Variants in RAB2A observed in about 807,000 individuals in gnomAD.
RAB2A encodes the protein ras-related protein Rab-2A.
RAB2A carries 7 observed loss-of-function variants against 32.5 expected under a neutral mutation model. The ratio of observed to expected loss-of-function variants is 0.22; its 90% confidence interval spans 0.12 to 0.40. RAB2A has a LOEUF of 0.40. Among genes scored for constraint, RAB2A ranks in the 10% least tolerant of loss-of-function variants. The pLI, the probability that RAB2A is intolerant of heterozygous loss-of-function variation, is 1.00. For synonymous variants in RAB2A, 79 were observed against 85.2 expected (o/e 0.93, Z 0.40); for missense variants, 108 against 260.7 (o/e 0.41, Z 4.03).
Position 60,623,293 on chromosome 8 carries a change from C to G in RAB2A, c.*2524C>G, listed in dbSNP as rs1474030611. 1 of 152,126 alleles carries G rather than the reference C, an allele frequency of 6.6e-6. No individual in the cohort carries two copies. Among genetic ancestry groups the G allele is most frequent in the Non-Finnish European group, 1.5e-5 (1 of 68,026 alleles). The allele number at this position is 152,126 out of a possible 1,614,324, so 9.4% of individuals were successfully genotyped here. On this transcript the variant is annotated 3_prime_UTR_variant, in exon 8 of 8. Coordinates refer to ENST00000262646, the MANE Select transcript of RAB2A (RefSeq NM_002865.3). ...AATAGCCTGTTAGCAGGAAAATAGT[C>G]CCTATTTATCTGCTAATGGTCAAAA... is the stretch of plus-strand genomic sequence containing the variant.
At chr8:60,544,592 A>G (rs1244048969) in intron 1 of RAB2A, among the ~76,000 whole-genome samples, 1 of 125,514 alleles carries the variant, frequency 8.0e-6, no homozygotes, top group African/African-American at 3.2e-5. Context: ...ATGGGGTCTC[A>G]GTATGTTGCC....
chr8:60,524,717 C>T (rs527466859), intron 1 of RAB2A, among the ~76,000 whole-genome samples: 1 of 152,158 alleles, frequency 6.6e-6, no homozygotes, highest in Non-Finnish European at 1.5e-5. Context: ...AGTCACTCTC[C>T]GGGGAGTCCC....
intron 1 of RAB2A, among the ~76,000 whole-genome samples, chr8:60,518,537 T>C (rs1586055932): frequency 8.2e-6 from 1 of 122,152 alleles, no homozygotes; most frequent in Non-Finnish European, 1.6e-5. Context: ...GCGCCTGTAA[T>C]CCCAGCCACT....
rs542473704 is a variant in RAB2A, at chr8:60,574,216, C to T, written c.186+2103C>T. On this transcript the variant is annotated intron_variant, in intron 3 of 7. Coordinates refer to ENST00000262646, the MANE Select transcript of RAB2A (RefSeq NM_002865.3). ...ACCCCCATCGGAATAACTTATTCTT[C>T]CTGTAATATTTTGTGCATATGTCTC... 7.9e-5 allele frequency among the ~76,000 whole-genome samples: 12 copies of T among 152,072 alleles called. No individual in the cohort carries two copies. In the South Asian group the frequency reaches 2.1e-3, roughly 26 times the overall value.
chr8:60,549,127 C>T (rs1489169928), intron 1 of RAB2A, among the ~76,000 whole-genome samples: 1 of 150,454 alleles, frequency 6.6e-6, no homozygotes, highest in Non-Finnish European at 1.5e-5. Context: ...GGGATGGCGG[C>T]CGGGCAGAGA....
chr8:60,596,056 A>T (rs1294339852), intron 6 of RAB2A, among the ~76,000 whole-genome samples: 1 of 152,212 alleles, frequency 6.6e-6, no homozygotes, highest in Non-Finnish European at 1.5e-5. Flanking sequence ...GAAAATAGCT[A>T]AAACAGTGTT....
intron 1 of RAB2A, among the ~76,000 whole-genome samples, chr8:60,536,459 A>C (rs1485600476): frequency 6.6e-6 from 1 of 152,230 alleles, no homozygotes; most frequent in Non-Finnish European, 1.5e-5. Context: ...TACTATCATG[A>C]AAAAGTTTTC....
chr8:60,558,054 G>A (rs746252793), intron 1 of RAB2A, among the ~76,000 whole-genome samples: 1 of 152,194 alleles, frequency 6.6e-6, no homozygotes, highest in Non-Finnish European at 1.5e-5. Context: ...TCCTAGTGCA[G>A]TGATACTTAG....
chr8:60,600,111 A>G, intron 6 of RAB2A, among the ~76,000 whole-genome samples: 1 of 152,088 alleles, frequency 6.6e-6, no homozygotes, highest in Non-Finnish European at 1.5e-5. Flanking sequence ...CAAGAGAGAT[A>G]TGAGCAGATA....
chr8:60,556,799 G>A (rs528959677), intron 1 of RAB2A, among the ~76,000 whole-genome samples: 80 of 152,012 alleles, frequency 5.3e-4, no homozygotes, highest in African/African-American at 1.9e-3. Flanking sequence ...AGTGGGAAAG[G>A]GTTTTCTGGT....
intron 7 of RAB2A, among the ~76,000 whole-genome samples, chr8:60,620,008 C>A (rs1804503954): frequency 6.6e-6 from 1 of 152,258 alleles, no homozygotes; most frequent in South Asian, 2.1e-4. Flanking sequence ...TGTTGCAGAA[C>A]AACTGCCAAG....
At chr8:60,612,428 T>C (rs1804366975) in intron 6 of RAB2A, among the ~76,000 whole-genome samples, 2 of 152,170 alleles carry the variant, frequency 1.3e-5, no homozygotes, top group African/African-American at 4.8e-5. Context: ...ATGTAAATAA[T>C]ACAAATTTTA....
At chr8:60,523,931 C>G (rs1807340457) in intron 1 of RAB2A, among the ~76,000 whole-genome samples, 1 of 152,124 alleles carries the variant, frequency 6.6e-6, no homozygotes, top group Non-Finnish European at 1.5e-5. Context: ...ACCTCGTGAT[C>G]CGCCTGCCTC....
chr8:60,536,473 TCAAG>T (rs1418338067), intron 1 of RAB2A, among the ~76,000 whole-genome samples: 2 of 152,216 alleles, frequency 1.3e-5, no homozygotes, highest in Non-Finnish European at 2.9e-5. Context: ...AGTTTTCTCT[TCAAG>T]CAACTTTATT....
chr8:60,574,153 G>A lies in RAB2A; in HGVS notation c.186+2040G>A, dbSNP rs1327766872. 2.0e-5 allele frequency among the ~76,000 whole-genome samples: 3 copies of A among 151,844 alleles called. No homozygotes were observed. In the East Asian group the frequency reaches 5.8e-4, roughly 29 times the overall value. ...GTTTTTTGTTTTCTTTTCCATTTAA[G>A]GCAACTAAGATGTCAGCTCTTTGGT... On this transcript the variant is annotated intron_variant, in intron 3 of 7. Coordinates refer to ENST00000262646, the MANE Select transcript of RAB2A (RefSeq NM_002865.3).
chr8:60,598,785 C>T (rs1010130121), intron 6 of RAB2A, among the ~76,000 whole-genome samples: 6 of 151,214 alleles, frequency 4.0e-5, no homozygotes, highest in Admixed American at 2.0e-4. Flanking sequence ...TTAAAGAGCA[C>T]GTGAACACAC....
At chr8:60,594,519 C>G (rs1803991992) in intron 6 of RAB2A, among the ~76,000 whole-genome samples, 1 of 152,176 alleles carries the variant, frequency 6.6e-6, no homozygotes, top group Admixed American at 6.5e-5. Context: ...TTCTAGGTTA[C>G]ATGTGCACAA....
chr8:60,557,526 A>G (rs1807957636), intron 1 of RAB2A, among the ~76,000 whole-genome samples: 1 of 152,148 alleles, frequency 6.6e-6, no homozygotes, highest in African/African-American at 2.4e-5. Flanking sequence ...AAAAAAACAA[A>G]CAAACAAACA....
chr8:60,561,740 C>T (rs570887386), intron 2 of RAB2A, among the ~76,000 whole-genome samples: 1 of 152,254 alleles, frequency 6.6e-6, no homozygotes, highest in East Asian at 1.9e-4. Context: ...TTGTTCTGTC[C>T]ACTCTTTTCA....
Sources: gnomAD v4.1 joint callset for allele counts (sites outside exome capture counted in the v4.1 genomes callset) on GRCh38, gnomAD v4.1.1 for gene constraint, MANE v1.5 for transcripts, NCBI Gene and HGNC (gene_info 2026-07-23, HGNC 2026-07-21) for gene names.